The following SYNDIG1L variants were observed in gnomAD, a reference collection of about 807,000 sequenced individuals.
The protein encoded by SYNDIG1L is synapse differentiation inducing 1 like.
In SYNDIG1L, 13 loss-of-function variants were observed where a neutral mutation model predicts 20.1. The observed-to-expected ratio is 0.65, with a 90% CI of 0.42 to 1.03. SYNDIG1L has a LOEUF of 1.03. SYNDIG1L is among the 50% of genes least tolerant of loss of function. SYNDIG1L has a pLI of 0.00. For missense variants in SYNDIG1L, 294 were observed against 305.1 expected, an observed-to-expected ratio of 0.96 and a Z score of 0.27; for synonymous variants, 128 against 129.3, an observed-to-expected ratio of 0.99 and a Z score of 0.07.
the SYNDIG1L span, among the ~76,000 whole-genome samples, chr14:74,460,312 A>G: frequency 6.6e-6 from 1 of 151,638 alleles, no homozygotes; most frequent in Non-Finnish European, 1.5e-5. Flanking sequence ...TTCCCTATTA[A>G]CAGCTGCAAA....
chr14:74,466,668 G>A, the SYNDIG1L span, among the ~76,000 whole-genome samples: 1 of 152,130 alleles, frequency 6.6e-6, no homozygotes, highest in Non-Finnish European at 1.5e-5. Context: ...GGCTCCACAG[G>A]TCTCCCCTCC....
chr14:74,420,075 G>A (rs1391707744), intron 1 of SYNDIG1L, among the ~76,000 whole-genome samples: 1 of 152,054 alleles, frequency 6.6e-6, no homozygotes, highest in Non-Finnish European at 1.5e-5. Context: ...ATGGAGGCTA[G>A]GAGTCCTGTT....
At chr14:74,478,832 G>A in the SYNDIG1L span, among the ~76,000 whole-genome samples, 9 of 151,988 alleles carry the variant, frequency 5.9e-5, no homozygotes, top group Admixed American at 3.3e-4. Flanking sequence ...CTATAGCCAG[G>A]GTCATTCTAA....
intron 1 of SYNDIG1L, among the ~76,000 whole-genome samples, chr14:74,423,383 C>T (rs538259241): frequency 5.3e-5 from 8 of 152,228 alleles, no homozygotes; most frequent in Non-Finnish European, 1.0e-4. Flanking sequence ...AAACACCTCA[C>T]TAGCTTGCTG....
rs891792774 is a variant in SYNDIG1L at position 74,426,151 on chromosome 14, C to CCCG, written c.-300_-298dup. ...CGGGAGCCCCGCATCCTGGCCGGGC[C>CCCG]CCGCCGCCGCCGCCGCCGCGCAGCC... On this transcript the variant is annotated 5_prime_UTR_variant, in exon 1 of 4. Transcript: ENST00000331628. The CCCG allele has an allele frequency of 3.2e-3, 483 of 148,792 alleles. 6 individuals carry two copies. The highest frequency in any genetic ancestry group is 0.014 in the East Asian group (74 of 5,134). 9.2% of individuals were successfully genotyped at this position (148,792 alleles called of 1,614,324 possible). A position where few individuals can be genotyped will look rare whatever the true frequency, so the allele number is the denominator to read the frequency against.
At chr14:74,425,597 G>T (rs2086257865) in intron 1 of SYNDIG1L, among the ~76,000 whole-genome samples, 1 of 152,314 alleles carries the variant, frequency 6.6e-6, no homozygotes, top group Admixed American at 6.5e-5. Context: ...GGGGTACCAG[G>T]GAGTCTGAGG....
the SYNDIG1L span, chr14:74,473,899 T>G: frequency 0.23 from 34,300 of 151,994 alleles, 4,270 homozygotes; most frequent in African/African-American, 0.33. Flanking sequence ...TGCATTACAG[T>G]CCTGTTTTGC....
the SYNDIG1L span, among the ~76,000 whole-genome samples, chr14:74,453,624 G>GT: frequency 1.7e-4 from 26 of 151,894 alleles, no homozygotes; most frequent in African/African-American, 6.0e-4. Flanking sequence ...CAATAAAGCT[G>GT]TTTTTTAAAA....
the SYNDIG1L span, among the ~76,000 whole-genome samples, chr14:74,433,956 G>A: frequency 2.0e-5 from 3 of 152,096 alleles, no homozygotes; most frequent in Non-Finnish European, 4.4e-5. Context: ...AGGGCAATGG[G>A]TACACAAATT....
At chr14:74,427,058 G>A (rs1269770055), upstream of SYNDIG1L, among the ~76,000 whole-genome samples, 2 of 150,544 alleles carry the variant, frequency 1.3e-5, no homozygotes, top group Admixed American at 1.3e-4. Context: ...CCGAATGCAG[G>A]CCTTTTGGCT....
chr14:74,443,417 G>A, the SYNDIG1L span, among the ~76,000 whole-genome samples: 25 of 152,206 alleles, frequency 1.6e-4, no homozygotes, highest in African/African-American at 6.0e-4. Flanking sequence ...ATGAGGAGTG[G>A]CAGGGTGGAA....
At chr14:74,422,735 A>T (rs551283569) in intron 1 of SYNDIG1L, among the ~76,000 whole-genome samples, 88 of 133,102 alleles carry the variant, frequency 6.6e-4, no homozygotes, top group African/African-American at 2.4e-3. Context: ...TTTTTTTAAG[A>T]CAGGGTCTCC....
At chr14:74,463,450 C>T in the SYNDIG1L span, among the ~76,000 whole-genome samples, 1 of 152,164 alleles carries the variant, frequency 6.6e-6, no homozygotes, top group Admixed American at 6.5e-5. Context: ...TCTGCCACTC[C>T]TGCACACCAA....
rs2086087661 is a variant in SYNDIG1L at position 74,406,980 on chromosome 14, GC to G, written c.*554del. 6.3e-6 allele frequency: 1 copy of G among 158,194 alleles called. No homozygotes were observed. Among genetic ancestry groups the G allele is most frequent in the East Asian group, 1.9e-4 (1 of 5,246 alleles). The allele number at this position is 158,194 out of a possible 1,614,324, so 9.8% of individuals were successfully genotyped here. ...TAAGCACCCTCTAGAATCAGAGACAGCAAGAGGCCCCCTTGCCTCCACGTAT... is the reference window on the plus strand; with the variant it reads ...TAAGCACCCTCTAGAATCAGAGACAGAAGAGGCCCCCTTGCCTCCACGTAT... On this transcript the variant is annotated 3_prime_UTR_variant, in exon 4 of 4. Transcript: ENST00000331628.
chr14:74,454,458 A>G, the SYNDIG1L span, among the ~76,000 whole-genome samples: 1 of 152,214 alleles, frequency 6.6e-6, no homozygotes, highest in Non-Finnish European at 1.5e-5. Context: ...ACAGGTATGC[A>G]GTGTAAGAGC....
At chr14:74,458,639 A>AAAAAT in the SYNDIG1L span, among the ~76,000 whole-genome samples, 1 of 151,114 alleles carries the variant, frequency 6.6e-6, no homozygotes, top group African/African-American at 2.4e-5. Context: ...AAAAAAAAAA[A>AAAAAT]GTGCTGTGCA....
At chr14:74,425,621 T>G (rs2086257961) in intron 1 of SYNDIG1L, among the ~76,000 whole-genome samples, 1 of 152,170 alleles carries the variant, frequency 6.6e-6, no homozygotes. Flanking sequence ...TAATCAGTAT[T>G]TCTTGCCGTC....
At chr14:74,443,890 C>G in the SYNDIG1L span, among the ~76,000 whole-genome samples, 1 of 152,094 alleles carries the variant, frequency 6.6e-6, no homozygotes, top group Non-Finnish European at 1.5e-5. Flanking sequence ...TCCAAACCTC[C>G]ACGGAATCTC....
the SYNDIG1L span, among the ~76,000 whole-genome samples, chr14:74,447,129 C>T: frequency 2.1e-4 from 32 of 152,084 alleles, no homozygotes; most frequent in Admixed American, 2.1e-3. Flanking sequence ...AAATAATATG[C>T]TAGGCAAATA....
Sources: gnomAD v4.1 joint callset for allele counts (sites outside exome capture counted in the v4.1 genomes callset) on GRCh38, gnomAD v4.1.1 for gene constraint, MANE v1.5 for transcripts, NCBI Gene and HGNC (gene_info 2026-07-23, HGNC 2026-07-21) for gene names.